CTNND2: variants seen among roughly 807,000 people sequenced by gnomAD.
CTNND2 encodes catenin delta-2.
In CTNND2, 22 loss-of-function variants were observed where a neutral mutation model predicts 144.4. The observed-to-expected ratio is 0.15, with a 90% CI of 0.11 to 0.22. The LOEUF is 0.22. CTNND2 is among the 10% of genes least tolerant of loss of function. The probability of loss-of-function intolerance (pLI) is 1.00; values close to 1 mark genes in which losing one functional copy is unlikely to be tolerated. For missense variants in CTNND2, 1,353 were observed against 1,618.8 expected, an observed-to-expected ratio of 0.84 and a Z score of 2.82; for synonymous variants, 751 against 695.6, an observed-to-expected ratio of 1.08 and a Z score of -1.25.
chr5:11,572,059 A>C (rs1048510959), intron 2 of CTNND2, among the ~76,000 whole-genome samples: 6 of 152,182 alleles, frequency 3.9e-5, no homozygotes, highest in Non-Finnish European at 5.9e-5. Flanking sequence ...AGGGGTTAAC[A>C]CAAGGGTTCA....
At chr5:11,493,425 C>A (rs948924585) in intron 3 of CTNND2, among the ~76,000 whole-genome samples, 3 of 152,188 alleles carry the variant, frequency 2.0e-5, no homozygotes, top group African/African-American at 7.2e-5. Flanking sequence ...AATTCTCCAT[C>A]AAAGCAGACG....
intron 18 of CTNND2, among the ~76,000 whole-genome samples, chr5:11,012,017 C>T (rs1019010254): frequency 2.0e-5 from 3 of 152,156 alleles, no homozygotes; most frequent in African/African-American, 4.8e-5. Context: ...ATGAAATCCT[C>T]AGATCCAAAC....
At chr5:11,636,596 G>A (rs972950640) in intron 2 of CTNND2, among the ~76,000 whole-genome samples, 1 of 152,102 alleles carries the variant, frequency 6.6e-6, no homozygotes, top group Non-Finnish European at 1.5e-5. Flanking sequence ...TCCAACCTCT[G>A]GTACAATTGG....
chr5:11,415,604 G>A (rs557397357), intron 3 of CTNND2, among the ~76,000 whole-genome samples: 5 of 152,180 alleles, frequency 3.3e-5, no homozygotes, highest in Non-Finnish European at 5.9e-5. Context: ...AAAAGAGTAA[G>A]ACCACTGCCT....
At chr5:11,054,939 T>G (rs1746200622) in intron 16 of CTNND2, among the ~76,000 whole-genome samples, 1 of 152,234 alleles carries the variant, frequency 6.6e-6, no homozygotes. Flanking sequence ...AATGTTTGAC[T>G]GAGAGCCTTA....
intron 2 of CTNND2, among the ~76,000 whole-genome samples, chr5:11,686,399 G>A (rs1219159786): frequency 6.6e-6 from 1 of 152,104 alleles, no homozygotes; most frequent in Non-Finnish European, 1.5e-5. Flanking sequence ...TTGTCCAGCA[G>A]CACTAGGAAG....
At chr5:11,470,978 ATATTTTTTT>A (rs1209116458) in intron 3 of CTNND2, among the ~76,000 whole-genome samples, 2 of 95,872 alleles carry the variant, frequency 2.1e-5, no homozygotes, top group African/African-American at 1.2e-4. Context: ...ATATATATAT[ATATTTTTTT>A]TTTTTTTTTA....
At chr5:11,811,277 G>A (rs12108926) in intron 1 of CTNND2, among the ~76,000 whole-genome samples, 15,109 of 152,052 alleles carry the variant, frequency 0.099, 1,774 homozygotes, top group African/African-American at 0.28. Flanking sequence ...ACAGAATGAA[G>A]TACAGAGAAT....
chr5:11,408,044 C>T (rs75241361), intron 5 of CTNND2, among the ~76,000 whole-genome samples: 2,260 of 152,092 alleles, frequency 0.015, 23 homozygotes, highest in Non-Finnish European at 0.025. Context: ...GACATTGATT[C>T]CCCGCTTGCT....
intron 2 of CTNND2, among the ~76,000 whole-genome samples, chr5:11,683,744 CAT>C (rs759151418): frequency 1.3e-3 from 191 of 152,318 alleles, no homozygotes; most frequent in Non-Finnish European, 2.3e-3. Context: ...CACTTGGAAT[CAT>C]ATAAACAAGA....
chr5:11,866,714 C>A (rs962364106), intron 1 of CTNND2, among the ~76,000 whole-genome samples: 4 of 152,212 alleles, frequency 2.6e-5, no homozygotes, highest in African/African-American at 9.7e-5. Flanking sequence ...AATGTAATCA[C>A]CTTTCCCATG....
intron 11 of CTNND2, among the ~76,000 whole-genome samples, chr5:11,178,775 T>G (rs1760721684): frequency 6.6e-6 from 1 of 152,164 alleles, no homozygotes; most frequent in Non-Finnish European, 1.5e-5. Context: ...ATTGAATCAT[T>G]TTAAGTTGGC....
At chr5:11,396,653 A>C (rs1260663915) in intron 6 of CTNND2, among the ~76,000 whole-genome samples, 1 of 152,128 alleles carries the variant, frequency 6.6e-6, no homozygotes, top group Non-Finnish European at 1.5e-5. Context: ...TTTTTTTAGG[A>C]GACACAATAC....
intron 7 of CTNND2, among the ~76,000 whole-genome samples, chr5:11,367,457 C>A (rs1757089312): frequency 6.6e-6 from 1 of 152,172 alleles, no homozygotes; most frequent in Non-Finnish European, 1.5e-5. Context: ...TGGGAATCTG[C>A]TACAAAATGT....
chr5:11,607,602 T>C (rs1780114791), intron 2 of CTNND2, among the ~76,000 whole-genome samples: 1 of 152,230 alleles, frequency 6.6e-6, no homozygotes, highest in African/African-American at 2.4e-5. Context: ...ATGATTGTTA[T>C]TTGAATATTA....
At chr5:11,452,968 C>A (rs1001796564) in intron 3 of CTNND2, among the ~76,000 whole-genome samples, 1 of 152,196 alleles carries the variant, frequency 6.6e-6, no homozygotes, top group Non-Finnish European at 1.5e-5. Flanking sequence ...TTGATGGCTA[C>A]AGCGATGAGT....
intron 17 of CTNND2, among the ~76,000 whole-genome samples, chr5:11,018,469 A>G (rs891293231): frequency 3.9e-5 from 6 of 152,222 alleles, no homozygotes; most frequent in Admixed American, 1.3e-4. Flanking sequence ...AAGGCACGCC[A>G]CAACCCAAGA....
rs1219093645 is a variant in CTNND2, at chr5:11,470,980, A to ATATT, written c.288-58912_288-58911insAATA. Among the ~76,000 whole-genome samples the ATATT allele has an allele frequency of 2.6e-3, 242 of 91,524 alleles. 3 individuals carry two copies. Among genetic ancestry groups the ATATT allele is most frequent in the Non-Finnish European group, 3.4e-3 (176 of 51,118 alleles). 60.0% of individuals were successfully genotyped at this position (91,524 alleles called of 152,430 possible). A position where few individuals can be genotyped will look rare whatever the true frequency, so the allele number is the denominator to read the frequency against. The stretch of plus-strand genomic sequence containing the variant: ...TATATATATATATATATATATATAT[A>ATATT]TTTTTTTTTTTTTTTTAGATGGAGT... On this transcript the variant is annotated intron_variant, in intron 3 of 21. Transcript: ENST00000304623.
At chr5:11,069,676 AC>A (rs1748027284) in intron 16 of CTNND2, among the ~76,000 whole-genome samples, 1 of 28,960 alleles carries the variant, frequency 3.5e-5, no homozygotes, top group Non-Finnish European at 6.3e-5. Flanking sequence ...AGACAGACAG[AC>A]AGAGAGACAG....
Sources: gnomAD v4.1 joint callset for allele counts (sites outside exome capture counted in the v4.1 genomes callset) on GRCh38, gnomAD v4.1.1 for gene constraint, MANE v1.5 for transcripts, NCBI Gene and HGNC (gene_info 2026-07-23, HGNC 2026-07-21) for gene names.